Variants in BRWD1 observed in about 807,000 individuals in gnomAD.
BRWD1 encodes the protein bromodomain and WD repeat domain containing 1, also known as bromodomain and WD repeat-containing protein 1.
BRWD1 carries 82 observed loss-of-function variants against 251.2 expected under a neutral mutation model. That is an observed-to-expected ratio of 0.33 (90% confidence interval 0.27 to 0.39). The LOEUF (loss-of-function observed/expected upper bound fraction) is 0.39, where lower values mean the gene tolerates loss of function less well. Ranked by LOEUF, BRWD1 falls within the 10% of genes least tolerant of loss-of-function variation. The pLI is 1.00. For synonymous variants in BRWD1, 918 were observed against 902.8 expected (o/e 1.02, Z -0.30); for missense variants, 2,233 against 2,711.6 (o/e 0.82, Z 3.92).
chr21:39,187,062 T>C lies in BRWD1; in HGVS notation c.*9197A>G. On this transcript the variant is annotated 3_prime_UTR_variant, in exon 41 of 41. Coordinates refer to ENST00000342449, the MANE Select transcript of BRWD1 (RefSeq NM_033656.4). ...TTTCTTTCCAGGATCTGAACCCCCT[T>C]AAAAAAAGCATTTTTCTATTAATAT... is the stretch of plus-strand genomic sequence containing the variant. 1 of 1,588,542 alleles carries C rather than the reference T, an allele frequency of 6.3e-7. No individual in the cohort carries two copies. The highest frequency in any genetic ancestry group is 1.2e-5 in the South Asian group (1 of 85,436).
intron 8 of BRWD1, among the ~76,000 whole-genome samples, chr21:39,286,030 T>TTTTTTTTC (rs2035625380): frequency 6.8e-6 from 1 of 146,990 alleles, no homozygotes; most frequent in Non-Finnish European, 1.5e-5. Context: ...TTTTTTTTTT[T>TTTTTTTTC]TGAGTCAAGA....
rs1054169848 is a variant in BRWD1, at chr21:39,255,698, C to T, written c.2202G>A (p.Leu734=). The T allele has an allele frequency of 2.5e-6, 4 of 1,614,038 alleles. No homozygotes were observed. Among genetic ancestry groups the T allele is most frequent in the Admixed American group, 1.7e-5 (1 of 60,004 alleles). The change falls in exon 19 of 41, where the codon CTG becomes CTA. Residue 734 remains leucine, a synonymous_variant. Coordinates refer to ENST00000342449, the MANE Select transcript of BRWD1 (RefSeq NM_033656.4). ...CAACCACTCTTCGTTTCCAAGCCTG[C>T]AGGTCACGTTCTGTAGCAATCTGAC... The part of the protein sequence containing the change: ...PRSQIATERD[L]QAWKRRVVVP...
Position 39,186,786 on chromosome 21 carries a change from T to G in BRWD1, c.*9473A>C. ...GGAATAGTAGTCTTATAGCAGGCCA[T>G]TTGTCTTTTCTTTCCACCTCTCCAC... On this transcript the variant is annotated 3_prime_UTR_variant, in exon 41 of 41. Transcript: ENST00000342449. The G allele has an allele frequency of 4.6e-6, 2 of 436,294 alleles. No individual in the cohort carries two copies. The allele number at this position is 436,294 out of a possible 1,614,324, so 27.0% of individuals were successfully genotyped here.
chr21:39,246,295 T>C (rs1162812972), intron 21 of BRWD1, among the ~76,000 whole-genome samples: 1 of 152,098 alleles, frequency 6.6e-6, no homozygotes, highest in African/African-American at 2.4e-5. Context: ...ATTAGGGAAA[T>C]GCAAACTGAA....
chr21:39,298,834 T>C (rs1238319028), intron 4 of BRWD1, among the ~76,000 whole-genome samples: 8 of 152,130 alleles, frequency 5.3e-5, no homozygotes, highest in East Asian at 1.9e-4. Context: ...AAAATTTATA[T>C]GCAAATGACC....
At chr21:39,297,885 G>A (rs184607793) in intron 5 of BRWD1, 5 of 983,846 alleles carry the variant, frequency 5.1e-6, no homozygotes, top group Admixed American at 6.1e-5. Flanking sequence ...TATATACCAA[G>A]CTAACAGAAA....
intron 35 of BRWD1, among the ~76,000 whole-genome samples, chr21:39,210,423 T>C (rs996993774): frequency 5.9e-5 from 9 of 152,204 alleles, no homozygotes; most frequent in African/African-American, 2.2e-4. Context: ...TGTGCTGTTA[T>C]AATCCAACTT....
chr21:39,257,624 A>T (rs889313666), intron 18 of BRWD1, among the ~76,000 whole-genome samples: 1 of 152,176 alleles, frequency 6.6e-6, no homozygotes, highest in African/African-American at 2.4e-5. Context: ...AGGACTCAAA[A>T]TTAGATAGCA....
chr21:39,268,305 T>C (rs1305635559), intron 15 of BRWD1, among the ~76,000 whole-genome samples: 2 of 151,966 alleles, frequency 1.3e-5, no homozygotes, highest in Non-Finnish European at 2.9e-5. Flanking sequence ...CTGGATGTGA[T>C]GGCAGGTGCC....
chr21:39,222,250 A>G (rs1312913412), intron 29 of BRWD1, among the ~76,000 whole-genome samples: 1 of 152,220 alleles, frequency 6.6e-6, no homozygotes, highest in Non-Finnish European at 1.5e-5. Context: ...CAGGAGGACT[A>G]TTCACCGCCA....
At chr21:39,313,802 A>T (rs1012016831), upstream of BRWD1, 16 of 362,036 alleles carry the variant, frequency 4.4e-5, no homozygotes, top group African/African-American at 3.6e-4. Flanking sequence ...GGAGAAAGTG[A>T]CGCGGAGGCA....
At chr21:39,274,552 AG>A in intron 12 of BRWD1, 80 bp from the exon 13 acceptor site, 1 of 1,126,272 alleles carries the variant, frequency 8.9e-7, no homozygotes, top group Non-Finnish European at 1.3e-6. Flanking sequence ...ATGCAAAAAA[AG>A]AATGTAATGA....
At chr21:39,306,538 A>C (rs2036294637) in intron 4 of BRWD1, among the ~76,000 whole-genome samples, 1 of 152,190 alleles carries the variant, frequency 6.6e-6, no homozygotes, top group Non-Finnish European at 1.5e-5. Flanking sequence ...ATTTAAAGGG[A>C]AAGAGATTAA....
rs749581544 is a variant in BRWD1 at position 39,265,036 on chromosome 21, GAA to G, written c.1531-19_1531-18del. On this transcript the variant is annotated intron_variant, in intron 15 of 40. Transcript: ENST00000342449. ...TCCTTCAATCTAGGAAACACAAAAG[GAA>G]AAAAGTTAGGACCAATTCTATGCAA... is the stretch of plus-strand genomic sequence containing the variant. The G allele has an allele frequency of 6.3e-7, 1 of 1,595,240 alleles. No homozygotes were observed. The highest frequency in any genetic ancestry group is 8.5e-7 in the Non-Finnish European group (1 of 1,173,368).
Position 39,218,201 on chromosome 21 carries a change from G to C in BRWD1, c.3610C>G (p.Pro1204Ala). The C allele has an allele frequency of 6.2e-7, 1 of 1,612,090 alleles. No homozygotes were observed. The highest frequency in any genetic ancestry group is 1.3e-5 in the African/African-American group (1 of 74,956). The change falls in exon 31 of 41, where the codon CCA becomes GCA. Residue 1204 changes from proline to alanine, a missense_variant. This residue lies in a region of BRWD1 where 167 missense variants were observed against 183.2 expected (regional missense o/e 0.91). Coordinates refer to ENST00000342449, the MANE Select transcript of BRWD1 (RefSeq NM_033656.4). ...ATTCGAATTGTGTAAAGATCGGTTGGATAAGCTACTACAGTACAGTACTTC... is the reference window on the plus strand; with the variant it reads ...ATTCGAATTGTGTAAAGATCGGTTGCATAAGCTACTACAGTACAGTACTTC... Reference protein sequence around the residue: ...YPKYCTVVAYPTDLYTIRMRL... With the variant: ...YPKYCTVVAYATDLYTIRMRL...
At chr21:39,314,123 C>T (rs1389770014), upstream of BRWD1, 3 of 455,874 alleles carry the variant, frequency 6.6e-6, no homozygotes, top group Admixed American at 4.7e-5. Context: ...CGTCTTGCCC[C>T]GCACGGAAGA....
chr21:39,312,525 G>A (rs903079002), intron 4 of BRWD1: 13 of 258,840 alleles, frequency 5.0e-5, no homozygotes, highest in Non-Finnish European at 9.9e-5. Context: ...AAACCGCCCA[G>A]TTGAATGGCT....
chr21:39,207,617 T>A (rs759465470), intron 36 of BRWD1, among the ~76,000 whole-genome samples: 2 of 152,074 alleles, frequency 1.3e-5, no homozygotes, highest in Admixed American at 6.6e-5. Context: ...AAGGTAAACA[T>A]GAATTATCCC....
At chr21:39,264,425 CT>C (rs2034854891) in intron 17 of BRWD1, 34 bp downstream of exon 17, 88 of 998,186 alleles carry the variant, frequency 8.8e-5, no homozygotes, top group South Asian at 1.2e-4. Context: ...TCAAGTACAA[CT>C]TTAAAAAAAA....
Sources: allele counts gnomAD v4.1 joint callset (sites outside exome capture counted in the v4.1 genomes callset), GRCh38; gene constraint gnomAD v4.1.1; regional missense constraint gnomAD v4.1.1; transcripts MANE v1.5; gene names NCBI Gene and HGNC (gene_info 2026-07-23, HGNC 2026-07-21).